Variants in DNAH2 observed in about 807,000 individuals in gnomAD.
The protein encoded by DNAH2 is axonemal beta dynein heavy chain 2.
A neutral mutation model predicts 523.5 loss-of-function variants in DNAH2; 323 were observed. The observed-to-expected ratio is 0.62, with a 90% CI of 0.56 to 0.68. DNAH2 has a LOEUF of 0.68. Among genes scored for constraint, DNAH2 ranks in the 30% least tolerant of loss-of-function variants. The pLI is 0.00. For missense variants in DNAH2, 4,907 were observed against 5,701.5 expected, an observed-to-expected ratio of 0.86 and a Z score of 4.49; for synonymous variants, 2,093 against 2,177.4, an observed-to-expected ratio of 0.96 and a Z score of 1.08.
chr17:7,809,267 C>G (rs190616944), intron 63 of DNAH2, among the ~76,000 whole-genome samples: 1 of 152,166 alleles, frequency 6.6e-6, no homozygotes, highest in Non-Finnish European at 1.5e-5. Context: ...CTCACTGGCT[C>G]GTCACCGTCA....
At chr17:7,722,069 G>A (rs1384580336) in intron 2 of DNAH2, among the ~76,000 whole-genome samples, 1 of 152,094 alleles carries the variant, frequency 6.6e-6, no homozygotes, top group East Asian at 1.9e-4. Context: ...CGTGATCTCG[G>A]CTCACTGCGA....
intron 63 of DNAH2, among the ~76,000 whole-genome samples, chr17:7,813,610 A>G (rs1022030852): frequency 2.0e-5 from 3 of 152,226 alleles, no homozygotes; most frequent in Admixed American, 6.5e-5. Flanking sequence ...CCACTGATTA[A>G]AAATTCATTT....
In DNAH2 at chr17:7,804,109, T is replaced by A; in HGVS notation, c.8973-147T>A. 8 of 762,276 alleles carry A rather than the reference T, an allele frequency of 1.0e-5. No individual in the cohort carries two copies. In the South Asian group the frequency reaches 1.4e-4, roughly 14 times the overall value. The allele number at this position is 762,276 out of a possible 1,614,324, so 47.2% of individuals were successfully genotyped here. A position where few individuals can be genotyped will look rare whatever the true frequency, so the allele number is the denominator to read the frequency against. On this transcript the variant is annotated intron_variant, in intron 58 of 85. Coordinates refer to ENST00000572933, the MANE Select transcript of DNAH2 (RefSeq NM_020877.5). Reference sequence around the variant, plus strand: ...TGGCAATGACCCAGGCAGGAAGTGATAGAATCCCGACCAGGATGGTGGGGG... The same window carrying A: ...TGGCAATGACCCAGGCAGGAAGTGAAAGAATCCCGACCAGGATGGTGGGGG...
chr17:7,736,340 A>T (rs1260646513), intron 7 of DNAH2, among the ~76,000 whole-genome samples: 3 of 152,178 alleles, frequency 2.0e-5, no homozygotes, highest in Non-Finnish European at 2.9e-5. Flanking sequence ...TAACTGGAGG[A>T]GCCTAAAGCC....
At chr17:7,725,883 A>T (rs1408252401) in intron 3 of DNAH2, among the ~76,000 whole-genome samples, 1 of 151,618 alleles carries the variant, frequency 6.6e-6, no homozygotes, top group Admixed American at 6.6e-5. Context: ...ATTTTAGATC[A>T]CTATTAATTT....
chr17:7,767,346 A>G (rs1248758756), intron 22 of DNAH2, among the ~76,000 whole-genome samples: 2 of 152,142 alleles, frequency 1.3e-5, no homozygotes, highest in Non-Finnish European at 2.9e-5. Context: ...CAGTTGATGG[A>G]CATTTGGGTT....
chr17:7,817,433 C>T lies in DNAH2; in HGVS notation c.10020+18C>T, dbSNP rs1402082580. 26 of 1,613,666 alleles carry T rather than the reference C, an allele frequency of 1.6e-5. No homozygotes were observed. The highest frequency in any genetic ancestry group is 2.1e-5 in the Non-Finnish European group (25 of 1,179,970). On this transcript the variant is annotated intron_variant, in intron 65 of 85. Coordinates refer to ENST00000572933, the MANE Select transcript of DNAH2 (RefSeq NM_020877.5). Reference sequence around the variant, plus strand: ...TCGGGAAGGTGAGATGGGACTCAGGCATGACAAGTAGGCTCCGAGACCAGG... The same window carrying T: ...TCGGGAAGGTGAGATGGGACTCAGGTATGACAAGTAGGCTCCGAGACCAGG...
At chr17:7,774,601 T>C (rs1662775821) in intron 28 of DNAH2, among the ~76,000 whole-genome samples, 158 bp from the exon 29 acceptor site, 1 of 152,192 alleles carries the variant, frequency 6.6e-6, no homozygotes, top group South Asian at 2.1e-4. Context: ...GGGTTGAGCA[T>C]GTTAGACAGT....
In DNAH2 at chr17:7,739,598, TTTC is replaced by T. The variant is rs775191518; in HGVS notation, c.1171-126_1171-124del. 244 of 880,872 alleles carry T rather than the reference TTTC, an allele frequency of 2.8e-4. 1 individual carries two copies. The highest frequency in any genetic ancestry group is 3.5e-4 in the Middle Eastern group (1 of 2,888). 54.6% of individuals were successfully genotyped at this position (880,872 alleles called of 1,614,324 possible). A position where few individuals can be genotyped will look rare whatever the true frequency, so the allele number is the denominator to read the frequency against. On this transcript the variant is annotated intron_variant, in intron 8 of 85. Coordinates refer to ENST00000572933, the MANE Select transcript of DNAH2 (RefSeq NM_020877.5). ...TTGGCCCTCCCTGGTTTTTAGATAT[TTTC>T]TTCTTCTTTTTTTTTTTTTCACTTG...
At chr17:7,756,915 C>T (rs948938056) in intron 12 of DNAH2, among the ~76,000 whole-genome samples, 176 bp from the exon 13 acceptor site, 5 of 152,228 alleles carry the variant, frequency 3.3e-5, no homozygotes, top group African/African-American at 1.2e-4. Context: ...AAGTGATCCG[C>T]CTGCCTCGGC....
intron 12 of DNAH2, among the ~76,000 whole-genome samples, chr17:7,753,690 G>T (rs2075753755): frequency 6.6e-6 from 1 of 152,182 alleles, no homozygotes; most frequent in African/African-American, 2.4e-5. Context: ...GCTCACGCCT[G>T]TAACCCCAGC....
At chr17:7,722,192 G>T (rs867490971) in intron 2 of DNAH2, among the ~76,000 whole-genome samples, 126 of 104,786 alleles carry the variant, frequency 1.2e-3, no homozygotes, top group African/African-American at 6.4e-3. Flanking sequence ...AGAGACGGGG[G>T]GGGGGGTTCA....
At chr17:7,740,076 G>GA (rs2075267339) in intron 9 of DNAH2, 138 bp downstream of exon 9, 4 of 389,784 alleles carry the variant, frequency 1.0e-5, no homozygotes, top group South Asian at 8.3e-5. Context: ...CGGGGGGGGG[G>GA]ACAGGAGAGA....
intron 63 of DNAH2, among the ~76,000 whole-genome samples, chr17:7,813,226 T>C (rs1185732937): frequency 6.6e-6 from 1 of 152,030 alleles, no homozygotes; most frequent in East Asian, 1.9e-4. Flanking sequence ...TATGCCTGTA[T>C]ACGAATTTCT....
At chr17:7,830,112 A>G (rs1177865572) in intron 77 of DNAH2, among the ~76,000 whole-genome samples, 188 bp from the exon 78 acceptor site, 2 of 151,958 alleles carry the variant, frequency 1.3e-5, no homozygotes, top group Non-Finnish European at 2.9e-5. Context: ...GAATTAGAGA[A>G]AGGCACTCAG....
chr17:7,795,100 G>C (rs1348489563), intron 49 of DNAH2, among the ~76,000 whole-genome samples: 1 of 151,996 alleles, frequency 6.6e-6, no homozygotes, highest in Non-Finnish European at 1.5e-5. Flanking sequence ...AGAAGTATGT[G>C]GGGCCAAGGG....
rs57660603 is a variant in DNAH2, at chr17:7,749,308, C to CAAAAAAAAAAAAAAAAAAAA, written c.1904+6187_1904+6206dup. On this transcript the variant is annotated intron_variant, in intron 12 of 85. Coordinates refer to ENST00000572933, the MANE Select transcript of DNAH2 (RefSeq NM_020877.5). ...GGGCAACAAGAGCTAAACTCCCCCC[C>CAAAAAAAAAAAAAAAAAAAA]AAAAAAAAAAAAAAAAAAAAAAAAA... Among the ~76,000 whole-genome samples, 154 of 17,764 alleles carry CAAAAAAAAAAAAAAAAAAAA rather than the reference C, an allele frequency of 8.7e-3. 72 individuals carry two copies. The highest frequency in any genetic ancestry group is 0.016 in the South Asian group (6 of 364). The allele number at this position is 17,764 out of a possible 152,430, so 11.7% of individuals were successfully genotyped here.
Position 7,798,026 on chromosome 17 carries a change from G to C in DNAH2, c.8231-131G>C, listed in dbSNP as rs952648675. 1.9e-5 allele frequency: 27 copies of C among 1,391,852 alleles called. No individual in the cohort carries two copies. The East Asian group carries it at 6.2e-4, about 32-fold the overall frequency. 86.2% of individuals were successfully genotyped at this position (1,391,852 alleles called of 1,614,324 possible). ...AGTTGAATTGCCTCCTGGGCCTTGGGCACCAACTTCTTCTCATACCTCTTG... is the reference window on the plus strand; with the variant it reads ...AGTTGAATTGCCTCCTGGGCCTTGGCCACCAACTTCTTCTCATACCTCTTG... On this transcript the variant is annotated intron_variant, in intron 53 of 85. Coordinates refer to ENST00000572933, the MANE Select transcript of DNAH2 (RefSeq NM_020877.5). This position sits in a 1 kb window ranked among gnomAD's most constrained non-coding sequence, Gnocchi z 5.5.
intron 12 of DNAH2, among the ~76,000 whole-genome samples, chr17:7,750,293 G>A (rs1159581713): frequency 6.6e-6 from 1 of 152,130 alleles, no homozygotes; most frequent in Non-Finnish European, 1.5e-5. Context: ...ACTGGGTATT[G>A]GTTTCAATGT....
Sources: gnomAD v4.1 joint callset for allele counts (sites outside exome capture counted in the v4.1 genomes callset) on GRCh38, gnomAD v4.1.1 for gene constraint, Gnocchi (gnomAD v3.1) non-coding constraint, MANE v1.5 for transcripts, NCBI Gene and HGNC (gene_info 2026-07-23, HGNC 2026-07-21) for gene names.